ZNF76: variants seen among roughly 807,000 people sequenced by gnomAD.
ZNF76 encodes zinc finger protein 523.
ZNF76 carries 66 observed loss-of-function variants against 66.9 expected under a neutral mutation model. The ratio of observed to expected loss-of-function variants is 0.99; its 90% CI spans 0.81 to 1.21. The LOEUF is 1.21. Among genes scored for constraint, ZNF76 ranks in the 50% most tolerant of loss-of-function variants. The probability of loss-of-function intolerance (pLI) is 0.00; values close to 1 mark genes in which losing one functional copy is unlikely to be tolerated. For synonymous variants in ZNF76, 275 were observed against 296.1 expected, an observed-to-expected ratio of 0.93 and a Z score of 0.73; for missense variants, 729 against 760.3, an observed-to-expected ratio of 0.96 and a Z score of 0.48.
At position 35,291,277 on chromosome 6, in the gene ZNF76, G is replaced by A. The variant is rs1033078732; in HGVS notation, c.626-1G>A. On this transcript the variant is annotated splice_acceptor_variant, in intron 7 of 13. Coordinates refer to ENST00000373953, the MANE Select transcript of ZNF76 (RefSeq NM_003427.5). LOFTEE classifies it high-confidence loss of function. The stretch of plus-strand genomic sequence containing the variant: ...ACCCCCTGCCTGCCACATATGGACA[G>A]GCTATGGACTGAAGAGCCACGTTCG... 1.2e-6 allele frequency: 2 copies of A among 1,606,784 alleles called. No homozygotes were observed. The highest frequency in any genetic ancestry group is 1.1e-5 in the South Asian group (1 of 90,096).
intron 2 of ZNF76, among the ~76,000 whole-genome samples, chr6:35,284,714 A>T (rs1364743274): frequency 2.8e-5 from 4 of 145,048 alleles, no homozygotes; most frequent in Non-Finnish European, 4.5e-5. Flanking sequence ...TTATTTATTT[A>T]TTTTTTATTT....
At chr6:35,291,970 C>T (rs1297142374) in intron 9 of ZNF76, 3 of 588,692 alleles carry the variant, frequency 5.1e-6, no homozygotes, top group African/African-American at 3.7e-5. Context: ...TGGGGTCCCT[C>T]AGCTCCCTAC....
intron 1 of ZNF76, among the ~76,000 whole-genome samples, chr6:35,273,363 G>A (rs2150349527): frequency 6.7e-6 from 1 of 150,290 alleles, no homozygotes; most frequent in South Asian, 2.1e-4. Context: ...AGTAGAGATG[G>A]GGTTTCGCCA....
intron 1 of ZNF76, among the ~76,000 whole-genome samples, chr6:35,265,278 G>A (rs1266231156): frequency 6.6e-6 from 1 of 152,100 alleles, no homozygotes; most frequent in Non-Finnish European, 1.5e-5. Flanking sequence ...AGGCTGGGTT[G>A]GGTAGATAAC....
intron 3 of ZNF76, 30 bp downstream of exon 3, chr6:35,286,238 T>C (rs1789545155): frequency 6.2e-7 from 1 of 1,613,728 alleles, no homozygotes; most frequent in Admixed American, 1.7e-5. Flanking sequence ...CCATGCCTTG[T>C]CGAGGGAAGC....
rs946011814 is a variant in ZNF76, at chr6:35,290,366, C to T, written c.533C>T (p.Thr178Ile). The change falls in exon 6 of 14, where the codon ACC (threonine) becomes ATC (isoleucine). Residue 178 changes from threonine to isoleucine, a missense_variant. Physicochemically the swap from Thr to Ile is moderately conservative, Grantham distance 89. Coordinates refer to ENST00000373953, the MANE Select transcript of ZNF76 (RefSeq NM_003427.5). ...AAGGGCTGTGGGCGTCTCTACACCA[C>T]CGCTCATCACTTAAAGGTAAGGTTG... Reference protein sequence around the residue: ...GYKGCGRLYTTAHHLKVHERA... With the variant: ...GYKGCGRLYTIAHHLKVHERA... The T allele has an allele frequency of 6.2e-7, 1 of 1,614,166 alleles. No homozygotes were observed. Among genetic ancestry groups the T allele is most frequent in the Non-Finnish European group, 8.5e-7 (1 of 1,179,972 alleles).
chr6:35,290,305 C>T lies in ZNF76; in HGVS notation c.472C>T (p.Gln158Ter), dbSNP rs1360492671. ...DSQIPRNGKG[Q>*]QVGDRAFRCG... is the part of the protein sequence containing the mutation. ...CCAGATTCCCCGTAATGGAAAAGGG[C>T]AGCAAGTTGGAGACAGAGCATTCCG... Residue 158 changes from glutamine (Q) to a stop codon, truncating the protein, a stop_gained, in exon 6 of 14, where the codon CAG (glutamine) becomes TAG (stop). Coordinates refer to ENST00000373953, the MANE Select transcript of ZNF76 (RefSeq NM_003427.5). LOFTEE classifies it high-confidence loss of function. The T allele has an allele frequency of 6.2e-7, 1 of 1,614,206 alleles. No homozygotes were observed. Among genetic ancestry groups the T allele is most frequent in the Non-Finnish European group, 8.5e-7 (1 of 1,180,028 alleles).
At chr6:35,291,788 T>TA in intron 9 of ZNF76, 51 bp downstream of exon 9, 1 of 1,586,108 alleles carries the variant, frequency 6.3e-7, no homozygotes, top group Non-Finnish European at 8.5e-7. Context: ...CCAACCCCTC[T>TA]ACTGTAGGCT....
At chr6:35,291,169 A>G in intron 7 of ZNF76, 109 bp from the exon 8 acceptor site, 1 of 1,441,926 alleles carries the variant, frequency 6.9e-7, no homozygotes, top group Non-Finnish European at 9.3e-7. Flanking sequence ...AGAGGCAGAC[A>G]TGGGCTTCTT....
intron 13 of ZNF76, 39 bp from the exon 14 acceptor site, chr6:35,295,105 T>G: frequency 6.7e-7 from 1 of 1,500,424 alleles, no homozygotes; most frequent in South Asian, 1.2e-5. Flanking sequence ...GCAGGGAGGG[T>G]CTCACTGTCT....
Position 35,287,807 on chromosome 6 carries a change from G to A in ZNF76, c.394G>A (p.Ala132Thr), listed in dbSNP as rs1372632885. 1 of 1,610,428 alleles carries A rather than the reference G, an allele frequency of 6.2e-7. No individual in the cohort carries two copies. Among genetic ancestry groups the A allele is most frequent in the African/African-American group, 1.3e-5 (1 of 74,754 alleles). ...AGCAGAGGATGATGAGGGCTTCAGTGCAGACGCAGTGGTGGCCCTGGAGCA... is the reference window on the plus strand; with the variant it reads ...AGCAGAGGATGATGAGGGCTTCAGTACAGACGCAGTGGTGGCCCTGGAGCA... ...LAAEDDEGFSADAVVALEQYA... is the reference protein window; with the variant it reads ...LAAEDDEGFSTDAVVALEQYA... The change falls in exon 5 of 14, where the codon GCA becomes ACA. Residue 132 changes from alanine (A) to threonine (T), a missense_variant. Physicochemically the swap from Ala to Thr is moderately conservative, Grantham distance 58. Transcript: ENST00000373953. This position sits in a 1 kb window ranked among gnomAD's most constrained non-coding sequence, Gnocchi z 4.0.
At chr6:35,288,045 C>A (rs539122187) in intron 5 of ZNF76, 200 bp downstream of exon 5, 1 of 718,394 alleles carries the variant, frequency 1.4e-6, no homozygotes, top group East Asian at 2.7e-5. Context: ...CTAGGGCATG[C>A]AACACAGCCT....
chr6:35,281,498 G>T (rs1420285046), intron 2 of ZNF76, among the ~76,000 whole-genome samples: 1 of 152,168 alleles, frequency 6.6e-6, no homozygotes, highest in Admixed American at 6.5e-5. Flanking sequence ...AATATTTCTG[G>T]AATGAACACA....
At position 35,293,809 on chromosome 6, in the gene ZNF76, A is replaced by G; in HGVS notation, c.1388A>G (p.Gln463Arg). The G allele has an allele frequency of 6.2e-7, 1 of 1,614,148 alleles. No homozygotes were observed. Among genetic ancestry groups the G allele is most frequent in the Non-Finnish European group, 8.5e-7 (1 of 1,180,030 alleles). The part of the protein sequence containing the change: ...ALGSAISMVT[Q>R]HGSTTLTIPS... ...GGGAGTGCCATCAGTATGGTCACCC[A>G]GCACGGCAGCACCACCCTCACCATC... The change falls in exon 12 of 14, where the codon CAG (glutamine) becomes CGG (arginine). Residue 463 changes from glutamine to arginine, a missense_variant. By Grantham distance (43) the Gln-to-Arg change is conservative. Coordinates refer to ENST00000373953, the MANE Select transcript of ZNF76 (RefSeq NM_003427.5).
chr6:35,266,649 C>T (rs750319505), intron 1 of ZNF76, among the ~76,000 whole-genome samples: 5 of 152,112 alleles, frequency 3.3e-5, no homozygotes, highest in Admixed American at 1.3e-4. Flanking sequence ...CAAGAGACAG[C>T]GGAGTATGGG....
rs778949675 is a variant in ZNF76 at position 35,294,465 on chromosome 6, A to G, written c.1504A>G (p.Ile502Val). 42 of 1,613,130 alleles carry G rather than the reference A, an allele frequency of 2.6e-5. No individual in the cohort carries two copies. The highest frequency in any genetic ancestry group is 3.6e-5 in the Non-Finnish European group (42 of 1,179,360). ...TCCTTTTGTCTTTCAGGTCACAATCATTACCTCTGGGGCTGTGGTGGCTGA... is the reference window on the plus strand; with the variant it reads ...TCCTTTTGTCTTTCAGGTCACAATCGTTACCTCTGGGGCTGTGGTGGCTGA... ...DGTQTQPVTI[I>V]TSGAVVAEDS... The change falls in exon 13 of 14, where the codon ATT (isoleucine) becomes GTT (valine). Residue 502 changes from isoleucine (I) to valine (V), a missense_variant. Ile to Val is a conservative substitution (Grantham distance 29). Transcript: ENST00000373953.
chr6:35,288,455 G>A (rs527859051), intron 5 of ZNF76: 3 of 325,908 alleles, frequency 9.2e-6, no homozygotes, highest in East Asian at 1.7e-4. Context: ...CTGCATGTGG[G>A]GAAAAGGGTA....
rs1788706587 is a variant in ZNF76 at position 35,281,057 on chromosome 6, T to C, written c.-95T>C. 2.5e-6 allele frequency: 3 copies of C among 1,203,746 alleles called. No homozygotes were observed. The highest frequency in any genetic ancestry group is 3.7e-6 in the Non-Finnish European group (3 of 807,334). 74.6% of individuals were successfully genotyped at this position (1,203,746 alleles called of 1,614,324 possible). A position where few individuals can be genotyped will look rare whatever the true frequency, so the allele number is the denominator to read the frequency against. ...ATGTGATACTGTTTATTTTCTTAGA[T>C]TTGTGACCCAGAAGGAAATCTCTGA... On this transcript the variant is annotated splice_region_variant and 5_prime_UTR_variant, in exon 2 of 14. Coordinates refer to ENST00000373953, the MANE Select transcript of ZNF76 (RefSeq NM_003427.5).
At chr6:35,266,997 C>T (rs549133615) in intron 1 of ZNF76, among the ~76,000 whole-genome samples, 2 of 151,996 alleles carry the variant, frequency 1.3e-5, no homozygotes, top group Non-Finnish European at 2.9e-5. Context: ...GACGGGGTTT[C>T]ACCGTGTTAA....
Sources: allele counts gnomAD v4.1 joint callset (sites outside exome capture counted in the v4.1 genomes callset), GRCh38; gene constraint gnomAD v4.1.1; non-coding constraint Gnocchi (gnomAD v3.1); transcripts MANE v1.5; gene names NCBI Gene and HGNC (gene_info 2026-07-23, HGNC 2026-07-21).